The following CLBA1 variants were observed in gnomAD, a reference collection of about 807,000 sequenced individuals.
CLBA1 encodes the protein clathrin binding box of aftiphilin containing 1, also known as uncharacterized protein CLBA1.
In CLBA1, 30 loss-of-function variants were observed where a neutral mutation model predicts 28.8. The ratio of observed to expected loss-of-function variants is 1.04; its 90% CI spans 0.78 to 1.41. The LOEUF is 1.41. Ranked by LOEUF, CLBA1 falls within the 40% of genes most tolerant of loss-of-function variation. The pLI, the probability that CLBA1 is intolerant of heterozygous loss-of-function variation, is 0.00. For missense variants in CLBA1, 451 were observed against 412.3 expected (o/e 1.09, Z -0.81); for synonymous variants, 160 against 152.8 (o/e 1.05, Z -0.35).
At chr14:105,000,495 C>G (rs1036872181), downstream of CLBA1, among the ~76,000 whole-genome samples, 26 of 152,116 alleles carry the variant, frequency 1.7e-4, no homozygotes, top group Non-Finnish European at 2.6e-4. Context: ...TGGTCTCGAA[C>G]TCCTGACCTC....
chr14:104,987,985 TTAATAGAG>T (rs946692750), intron 1 of CLBA1, among the ~76,000 whole-genome samples: 1 of 152,206 alleles, frequency 6.6e-6, no homozygotes, highest in African/African-American at 2.4e-5. Context: ...AGATCCACTC[TTAATAGAG>T]TAAGGTCTGC....
At chr14:104,994,002 A>T in intron 4 of CLBA1, 2 of 985,296 alleles carry the variant, frequency 2.0e-6, no homozygotes, top group African/African-American at 3.5e-5. Flanking sequence ...CACTGCCCCC[A>T]GCTGACATGG....
rs993247787 is a variant in CLBA1, at chr14:104,995,471, A to C, written c.*712A>C. On this transcript the variant is annotated 3_prime_UTR_variant, in exon 5 of 5. Coordinates refer to ENST00000547315, the MANE Select transcript of CLBA1 (RefSeq NM_174891.4). ...CTTCGAAGGGCAGAGCCAAGAAGTCAGCCCTGACTTTTGTAAAATTTTACT... is the reference window on the plus strand; with the variant it reads ...CTTCGAAGGGCAGAGCCAAGAAGTCCGCCCTGACTTTTGTAAAATTTTACT... 1 of 985,350 alleles carries C rather than the reference A, an allele frequency of 1.0e-6. No homozygotes were observed. The highest frequency in any genetic ancestry group is 1.7e-5 in the African/African-American group (1 of 57,248). 61.0% of individuals were successfully genotyped at this position (985,350 alleles called of 1,614,324 possible).
chr14:104,998,428 A>AG (rs397820583), downstream of CLBA1, among the ~76,000 whole-genome samples: 1 of 151,358 alleles, frequency 6.6e-6, no homozygotes, highest in East Asian at 1.9e-4. Flanking sequence ...AAAAAAAAAA[A>AG]GAATTAAGTA....
At chr14:104,997,189 A>G (rs1900170428), downstream of CLBA1, among the ~76,000 whole-genome samples, 1 of 152,238 alleles carries the variant, frequency 6.6e-6, no homozygotes, top group Non-Finnish European at 1.5e-5. Context: ...ACACTTCAGT[A>G]AAAGACAGAA....
Position 104,994,880 on chromosome 14 carries a change from C to A in CLBA1, c.*121C>A. Reference sequence around the variant, plus strand: ...GACCCCAGGCCCATTCCTGGGATCTCTCCAACAGGACCTGTCCTGTGTTCT... The same window carrying A: ...GACCCCAGGCCCATTCCTGGGATCTATCCAACAGGACCTGTCCTGTGTTCT... On this transcript the variant is annotated 3_prime_UTR_variant, in exon 5 of 5. Coordinates refer to ENST00000547315, the MANE Select transcript of CLBA1 (RefSeq NM_174891.4). 1 of 1,458,666 alleles carries A rather than the reference C, an allele frequency of 6.9e-7. No individual in the cohort carries two copies. The highest frequency in any genetic ancestry group is 2.5e-5 in the East Asian group (1 of 40,278). 90.4% of individuals were successfully genotyped at this position (1,458,666 alleles called of 1,614,324 possible). A position where few individuals can be genotyped will look rare whatever the true frequency, so the allele number is the denominator to read the frequency against.
downstream of CLBA1, among the ~76,000 whole-genome samples, chr14:104,996,871 G>A (rs368594205): frequency 2.6e-5 from 4 of 152,222 alleles, no homozygotes; most frequent in South Asian, 2.1e-4. Context: ...CTCAACTACC[G>A]GGAAGGACAA....
intron 2 of CLBA1, chr14:104,990,135 T>G (rs751225929): frequency 2.8e-5 from 5 of 181,006 alleles, no homozygotes; most frequent in Non-Finnish European, 4.8e-5. Flanking sequence ...GCTGGCAGCA[T>G]TGACATCTCT....
chr14:104,994,520 C>A, intron 4 of CLBA1, 78 bp from the exon 5 acceptor site: 1 of 1,498,306 alleles, frequency 6.7e-7, no homozygotes, highest in Non-Finnish European at 8.8e-7. Flanking sequence ...AGGCAGGGGG[C>A]GGCCAGGGGC....
chr14:105,000,764 G>A (rs1267182340), intron 2 of CLBA1, among the ~76,000 whole-genome samples: 1 of 152,142 alleles, frequency 6.6e-6, no homozygotes, highest in Non-Finnish European at 1.5e-5. Flanking sequence ...CGGTGATGGT[G>A]TAGAGAAATG....
At chr14:104,988,335 C>CGTT (rs1555404919) in intron 1 of CLBA1, among the ~76,000 whole-genome samples, 2 of 138,992 alleles carry the variant, frequency 1.4e-5, no homozygotes, top group African/African-American at 5.4e-5. Flanking sequence ...TGTATAATTT[C>CGTT]TTTTTTTTTT....
At position 104,993,547 on chromosome 14, in the gene CLBA1, CAG is replaced by C. The variant is rs1470447468; in HGVS notation, c.816+486_816+487del. Reference sequence around the variant, plus strand: ...CTCTCATGAGCCGCGGTTCTTGCCACAGAGTCACTTCATCACATCATCACAGC... The same window carrying C: ...CTCTCATGAGCCGCGGTTCTTGCCACAGTCACTTCATCACATCATCACAGC... On this transcript the variant is annotated intron_variant, in intron 4 of 4. Transcript: ENST00000547315. The C allele has an allele frequency of 2.3e-5, 23 of 985,458 alleles. No homozygotes were observed. The African/African-American group carries it at 3.7e-4, about 16-fold the overall frequency. The allele number at this position is 985,458 out of a possible 1,614,324, so 61.0% of individuals were successfully genotyped here.
intron 3 of CLBA1, 143 bp downstream of exon 3, chr14:104,991,763 C>T (rs1900029459): frequency 8.2e-6 from 8 of 974,734 alleles, no homozygotes; most frequent in Admixed American, 2.7e-5. Flanking sequence ...GCCCCATAAA[C>T]GTGTCAGGGC....
chr14:104,993,911 T>G, intron 4 of CLBA1: 1 of 985,394 alleles, frequency 1.0e-6, no homozygotes, highest in Non-Finnish European at 1.2e-6. Flanking sequence ...GACCTGAGAC[T>G]GAGCTGGGAC....
chr14:104,993,296 C>G (rs1052475348), intron 4 of CLBA1: 10 of 985,266 alleles, frequency 1.0e-5, no homozygotes, highest in Admixed American at 1.2e-4. Context: ...GGCCAGAGGA[C>G]CCAGGATATG....
chr14:104,994,642 C>T lies in CLBA1; in HGVS notation c.861C>T (p.Cys287=). Reference sequence around the variant, plus strand: ...GCAAACAGGGGAGGCTGATGACATGCAGCCGCTTCCTGAAGACCCCCTCAT... The same window carrying T: ...GCAAACAGGGGAGGCTGATGACATGTAGCCGCTTCCTGAAGACCCCCTCAT... ...PGSKQGRLMT[C]SRFLKTPSCG... Residue 287 remains cysteine, a synonymous_variant, in exon 5 of 5, where the codon TGC becomes TGT. Transcript: ENST00000547315. 6.2e-7 allele frequency: 1 copy of T among 1,613,514 alleles called. No individual in the cohort carries two copies. The highest frequency in any genetic ancestry group is 8.5e-7 in the Non-Finnish European group (1 of 1,179,968).
Position 104,986,488 on chromosome 14 carries a change from A to ACCTGAGAGGT in CLBA1, c.57_58insCCTGAGAGGT (p.Ala20ProfsTer13). On this transcript the variant is annotated frameshift_variant, in exon 1 of 5. Transcript: ENST00000547315. LOFTEE classifies it high-confidence loss of function. Reference sequence around the variant, plus strand: ...CTTTGAGTGACCTCCAGGAGGAAGCAGCCAGCGCTTCCCTCCGAGTGGCAC... The same window carrying ACCTGAGAGGT: ...CTTTGAGTGACCTCCAGGAGGAAGCACCTGAGAGGTGCCAGCGCTTCCCTCCGAGTGGCAC... 1 of 1,613,546 alleles carries ACCTGAGAGGT rather than the reference A, an allele frequency of 6.2e-7. No individual in the cohort carries two copies. The highest frequency in any genetic ancestry group is 1.1e-5 in the South Asian group (1 of 91,082).
At position 104,993,145 on chromosome 14, in the gene CLBA1, T is replaced by A. The variant is rs900766039; in HGVS notation, c.816+81T>A. ...GTGGAGCCCTCCGCTTTCTCTGATG[T>A]GAGTCAGTTGCTTGTTTTCTTCCTT... On this transcript the variant is annotated intron_variant, in intron 4 of 4. Coordinates refer to ENST00000547315, the MANE Select transcript of CLBA1 (RefSeq NM_174891.4). 31 of 1,544,336 alleles carry A rather than the reference T, an allele frequency of 2.0e-5. 1 individual carries two copies. In the African/African-American group the frequency reaches 3.8e-4, roughly 19 times the overall value.
At chr14:104,995,965 G>C (rs866102100), downstream of CLBA1, among the ~76,000 whole-genome samples, 4 of 152,226 alleles carry the variant, frequency 2.6e-5, no homozygotes, top group Non-Finnish European at 5.9e-5. Context: ...TGCCAGCAGA[G>C]CCCCTCCAGG....
Sources: allele counts gnomAD v4.1 joint callset (sites outside exome capture counted in the v4.1 genomes callset), GRCh38; gene constraint gnomAD v4.1.1; transcripts MANE v1.5; gene names NCBI Gene and HGNC (gene_info 2026-07-23, HGNC 2026-07-21).